The following SCAPER variants were observed in gnomAD, a reference collection of about 807,000 sequenced individuals.
The protein encoded by SCAPER is S phase cyclin A-associated protein in the endoplasmic reticulum.
In SCAPER, 98 loss-of-function variants were observed where a neutral mutation model predicts 182.2. The observed-to-expected ratio is 0.54, with a 90% CI of 0.46 to 0.64. The LOEUF is 0.64. Among genes scored for constraint, SCAPER ranks in the 30% least tolerant of loss-of-function variants. SCAPER has a pLI of 0.00. For synonymous variants in SCAPER, 605 were observed against 564.6 expected (o/e 1.07, Z -1.01); for missense variants, 1,432 against 1,690.0 (o/e 0.85, Z 2.68).
At chr15:76,680,188 T>A (rs1232610610) in intron 20 of SCAPER, among the ~76,000 whole-genome samples, 2 of 152,040 alleles carry the variant, frequency 1.3e-5, no homozygotes, top group Non-Finnish European at 2.9e-5. Flanking sequence ...GGCTTGAGGG[T>A]GTCAGCAGCT....
intron 2 of SCAPER, among the ~76,000 whole-genome samples, chr15:76,870,935 AAGTACC>A (rs1192295252): frequency 1.3e-5 from 2 of 152,118 alleles, no homozygotes; most frequent in African/African-American, 4.8e-5. Context: ...TAGGGTTAAA[AAGTACC>A]GACAACAACA....
intron 25 of SCAPER, among the ~76,000 whole-genome samples, chr15:76,447,587 C>T (rs1043316774): frequency 1.3e-5 from 2 of 152,056 alleles, no homozygotes; most frequent in African/African-American, 4.8e-5. Flanking sequence ...GTGTGTGTGT[C>T]GGAAGACCCC....
chr15:76,462,282 A>G (rs2049248984), intron 25 of SCAPER, among the ~76,000 whole-genome samples: 1 of 152,014 alleles, frequency 6.6e-6, no homozygotes, highest in African/African-American at 2.4e-5. Flanking sequence ...GGTCCTTAGT[A>G]CTTTTCAGGT....
At chr15:76,470,970 G>A (rs2050109037) in intron 25 of SCAPER, 2 of 266,798 alleles carry the variant, frequency 7.5e-6, no homozygotes, top group Non-Finnish European at 1.4e-5. Flanking sequence ...CTTAGCAAGT[G>A]TTATAAGTCT....
chr15:76,576,280 C>T (rs1190792687), intron 22 of SCAPER, among the ~76,000 whole-genome samples: 1 of 152,150 alleles, frequency 6.6e-6, no homozygotes, highest in Non-Finnish European at 1.5e-5. Flanking sequence ...GCGAGGACTG[C>T]TTAAGCTCCA....
chr15:76,623,718 T>G (rs1205817245), intron 21 of SCAPER, among the ~76,000 whole-genome samples: 1 of 152,208 alleles, frequency 6.6e-6, no homozygotes, highest in Non-Finnish European at 1.5e-5. Context: ...TAGGATTGCT[T>G]TGGCTCTTCA....
At chr15:76,598,879 C>T (rs1210218607) in intron 22 of SCAPER, among the ~76,000 whole-genome samples, 3 of 116,074 alleles carry the variant, frequency 2.6e-5, no homozygotes, top group African/African-American at 7.8e-5. Context: ...CAGCATGGCA[C>T]ATGTATACCT....
chr15:76,807,159 T>C (rs2066223643), intron 5 of SCAPER, among the ~76,000 whole-genome samples: 2 of 152,350 alleles, frequency 1.3e-5, no homozygotes, highest in South Asian at 2.1e-4. Flanking sequence ...GGGAAAGCTT[T>C]CAGTCTTTCA....
chr15:76,765,281 A>G, intron 13 of SCAPER, 56 bp downstream of exon 13: 2 of 1,373,556 alleles, frequency 1.5e-6, no homozygotes, highest in East Asian at 2.3e-5. Flanking sequence ...TTAACAGTCA[A>G]GAGTGGCTAG....
chr15:76,477,343 C>T (rs1323452717), intron 24 of SCAPER, among the ~76,000 whole-genome samples: 2 of 152,136 alleles, frequency 1.3e-5, no homozygotes, highest in East Asian at 3.8e-4. Flanking sequence ...ACTTGGCACT[C>T]TCAGGTTCTA....
chr15:76,682,705 C>T (rs996512248), intron 20 of SCAPER, among the ~76,000 whole-genome samples: 6 of 152,124 alleles, frequency 3.9e-5, no homozygotes, highest in African/African-American at 1.4e-4. Context: ...TCCAGGAAAG[C>T]AGGTTCCTAA....
intron 26 of SCAPER, among the ~76,000 whole-genome samples, chr15:76,422,972 A>G (rs934954979): frequency 5.9e-5 from 9 of 152,310 alleles, no homozygotes; most frequent in African/African-American, 2.2e-4. Context: ...GATGAAGCCC[A>G]CTTGATCATG....
chr15:76,820,672 T>C (rs1302103495), intron 5 of SCAPER, among the ~76,000 whole-genome samples: 1 of 151,492 alleles, frequency 6.6e-6, no homozygotes, highest in Non-Finnish European at 1.5e-5. Context: ...CACACCAACA[T>C]GGCACATGTA....
intron 8 of SCAPER, among the ~76,000 whole-genome samples, chr15:76,793,909 A>G (rs1031881457): frequency 3.3e-4 from 50 of 152,244 alleles, no homozygotes; most frequent in African/African-American, 1.1e-3. Context: ...CTACAGCTCC[A>G]CAGCGTCAGA....
At chr15:76,524,607 A>G (rs1350263571) in intron 23 of SCAPER, among the ~76,000 whole-genome samples, 1 of 151,526 alleles carries the variant, frequency 6.6e-6, no homozygotes, top group East Asian at 1.9e-4. Flanking sequence ...ACAGTCCCAA[A>G]TTCTGCTTAG....
chr15:76,397,884 T>C (rs1043649487), intron 27 of SCAPER, among the ~76,000 whole-genome samples: 1 of 152,194 alleles, frequency 6.6e-6, no homozygotes, highest in African/African-American at 2.4e-5. Context: ...TCAAAACTTA[T>C]CCATTTCCTC....
At chr15:76,516,249 T>C (rs1242751724) in intron 23 of SCAPER, among the ~76,000 whole-genome samples, 2 of 152,142 alleles carry the variant, frequency 1.3e-5, no homozygotes, top group East Asian at 3.9e-4. Context: ...CTGGGATACA[T>C]GTGCAGAATG....
At chr15:76,612,356 G>A (rs1193282963) in intron 22 of SCAPER, among the ~76,000 whole-genome samples, 1 of 152,104 alleles carries the variant, frequency 6.6e-6, no homozygotes, top group East Asian at 1.9e-4. Context: ...TCCCACCTCA[G>A]CCTCCCGAGT....
intron 23 of SCAPER, among the ~76,000 whole-genome samples, chr15:76,545,339 G>A (rs1473932977): frequency 6.6e-6 from 1 of 152,094 alleles, no homozygotes; most frequent in Non-Finnish European, 1.5e-5. Context: ...AACATTCTGT[G>A]CTAGAGATGC....
Sources: gnomAD v4.1 joint callset for allele counts (sites outside exome capture counted in the v4.1 genomes callset) on GRCh38, gnomAD v4.1.1 for gene constraint, MANE v1.5 for transcripts, NCBI Gene and HGNC (gene_info 2026-07-23, HGNC 2026-07-21) for gene names.